SCN4B: variants seen among roughly 807,000 people sequenced by gnomAD.
SCN4B encodes sodium channel regulatory subunit beta-4.
SCN4B carries 20 observed loss-of-function variants against 19.6 expected under a neutral mutation model. That is an observed-to-expected ratio of 1.02 (90% confidence interval 0.72 to 1.48). The LOEUF (loss-of-function observed/expected upper bound fraction) is 1.48, where lower values mean the gene tolerates loss of function less well. SCN4B is among the 40% of genes most tolerant of loss of function. SCN4B has a pLI of 0.00. For synonymous variants in SCN4B, 127 were observed against 122.8 expected, an observed-to-expected ratio of 1.03 and a Z score of -0.22; for missense variants, 271 against 287.5, an observed-to-expected ratio of 0.94 and a Z score of 0.42.
chr11:118,136,800 G>C lies in SCN4B; in HGVS notation c.*227C>G, dbSNP rs1044760056. 2 of 655,102 alleles carry C rather than the reference G, an allele frequency of 3.1e-6. No individual in the cohort carries two copies. The highest frequency in any genetic ancestry group is 2.1e-5 in the Admixed American group (1 of 48,396). 40.6% of individuals were successfully genotyped at this position (655,102 alleles called of 1,614,324 possible). Reference sequence around the variant, plus strand: ...CCCTAGCCTCTCCTTTCTTTCTCCTGAATCTTCCACAGACCCCCTCCCCTG... The same window carrying C: ...CCCTAGCCTCTCCTTTCTTTCTCCTCAATCTTCCACAGACCCCCTCCCCTG... On this transcript the variant is annotated 3_prime_UTR_variant, in exon 5 of 5. Transcript: ENST00000324727.
chr11:118,145,282 G>A (rs768075571), intron 1 of SCN4B, 53 bp from the exon 2 acceptor site: 1 of 1,611,424 alleles, frequency 6.2e-7, no homozygotes, highest in Non-Finnish European at 8.5e-7. Context: ...CTGGAGCTCT[G>A]GAAGGGGATG....
Position 118,135,487 on chromosome 11 carries a change from G to A in SCN4B, c.*1540C>T, listed in dbSNP as rs1298341027. 4.4e-6 allele frequency: 2 copies of A among 454,044 alleles called. No individual in the cohort carries two copies. Among genetic ancestry groups the A allele is most frequent in the Admixed American group, 2.3e-5 (1 of 42,572 alleles). The allele number at this position is 454,044 out of a possible 1,614,324, so 28.1% of individuals were successfully genotyped here. A position where few individuals can be genotyped will look rare whatever the true frequency, so the allele number is the denominator to read the frequency against. ...GGATTGGAAGTAGATGGGCAGAGAG[G>A]CTTGTTACCACTTTTCCCTGCCATC... On this transcript the variant is annotated 3_prime_UTR_variant, in exon 5 of 5. Coordinates refer to ENST00000324727, the MANE Select transcript of SCN4B (RefSeq NM_174934.4).
Position 118,152,643 on chromosome 11 carries a change from G to A in SCN4B, c.31C>T (p.Pro11Ser). 6.2e-7 allele frequency: 1 copy of A among 1,612,024 alleles called. No individual in the cohort carries two copies. The highest frequency in any genetic ancestry group is 8.5e-7 in the Non-Finnish European group (1 of 1,178,896). MPGAGDGGKA[P>S]ARWLGTGLLG... ...AGCCCAGTGCCCAGCCATCTCGCCG[G>A]GGCTTTGCCTCCGTCCCCAGCCCCG... Residue 11 changes from proline to serine, a missense_variant, in exon 1 of 5, where the codon CCG becomes TCG. Physicochemically the swap from Pro to Ser is moderately conservative, Grantham distance 74 (BLOSUM62 -1). Coordinates refer to ENST00000324727, the MANE Select transcript of SCN4B (RefSeq NM_174934.4).
At chr11:118,144,908 G>T (rs1591436569) in intron 2 of SCN4B, 149 bp downstream of exon 2, 1 of 802,986 alleles carries the variant, frequency 1.2e-6, no homozygotes, top group East Asian at 2.4e-5. Flanking sequence ...TTCCTGGCAG[G>T]CTCTGAAAAG....
intron 4 of SCN4B, among the ~76,000 whole-genome samples, chr11:118,137,693 C>T (rs1948036475): frequency 6.6e-6 from 1 of 152,030 alleles, no homozygotes; most frequent in African/African-American, 2.4e-5. Flanking sequence ...AAAGAAAGTT[C>T]TCAATAAAGC....
In SCN4B at chr11:118,146,967, G is replaced by T. The variant is rs909492476; in HGVS notation, c.62-1738C>A. On this transcript the variant is annotated intron_variant, in intron 1 of 4. Transcript: ENST00000324727. ...GCTCCTAGGATTTGTGGCCAACCAG[G>T]ATTTGTTCTAGAGCCATGGTTTTCA... is the stretch of plus-strand genomic sequence containing the variant. Among the ~76,000 whole-genome samples the T allele has an allele frequency of 2.0e-4, 30 of 152,278 alleles. 2 individuals carry two copies. The highest frequency in any genetic ancestry group is 1.6e-3 in the Admixed American group (25 of 15,302).
rs988450375 is a variant in SCN4B at position 118,136,276 on chromosome 11, A to G, written c.*751T>C. The G allele has an allele frequency of 6.6e-6, 3 of 453,774 alleles. No individual in the cohort carries two copies. The highest frequency in any genetic ancestry group is 1.6e-5 in the South Asian group (1 of 64,466). The allele number at this position is 453,774 out of a possible 1,614,324, so 28.1% of individuals were successfully genotyped here. On this transcript the variant is annotated 3_prime_UTR_variant, in exon 5 of 5. Transcript: ENST00000324727. ...AAATGCTTGGAAAGGCATAGGGAGC[A>G]CTCGGGTACTCCAGGAAGGCTCGAG...
At chr11:118,145,751 TC>T (rs1439306906) in intron 1 of SCN4B, 1 of 257,802 alleles carries the variant, frequency 3.9e-6, no homozygotes, top group African/African-American at 2.2e-5. Flanking sequence ...GCCGCCGCAG[TC>T]CCGGGCCGCC....
intron 4 of SCN4B, among the ~76,000 whole-genome samples, chr11:118,140,516 G>T (rs1948081890): frequency 6.6e-6 from 1 of 152,204 alleles, no homozygotes; most frequent in African/African-American, 2.4e-5. Context: ...GTCTTGCTCA[G>T]AACACAACTT....
intron 3 of SCN4B, 69 bp downstream of exon 3, chr11:118,143,764 G>A: frequency 8.9e-7 from 1 of 1,120,892 alleles, no homozygotes; most frequent in South Asian, 1.3e-5. Context: ...CCATTTCACT[G>A]TGATGCTGAG....
intron 4 of SCN4B, among the ~76,000 whole-genome samples, chr11:118,139,433 G>A (rs1054226521): frequency 6.6e-6 from 1 of 152,150 alleles, no homozygotes; most frequent in Admixed American, 6.5e-5. Context: ...TGCTGGCACT[G>A]ATCCCCTCTA....
Position 118,146,366 on chromosome 11 carries a change from A to G in SCN4B, c.62-1137T>C, listed in dbSNP as rs142912997. 2.6e-3 allele frequency among the ~76,000 whole-genome samples: 393 copies of G among 150,966 alleles called. 3 individuals are homozygous for G. The highest frequency in any genetic ancestry group is 9.0e-3 in the African/African-American group (371 of 41,080). On this transcript the variant is annotated intron_variant, in intron 1 of 4. Transcript: ENST00000324727. ...GCCCCAAGGAAACCCCACTCGCCTC[A>G]AGGTCGGTGGAGGCGGGGGCGGGGA...
intron 1 of SCN4B, among the ~76,000 whole-genome samples, chr11:118,152,379 C>CA (rs998414529): frequency 6.6e-6 from 1 of 152,084 alleles, no homozygotes; most frequent in Non-Finnish European, 1.5e-5. Flanking sequence ...CCAAGGACAG[C>CA]AAAAAAACTA....
chr11:118,133,612 T>A lies in SCN4B; in HGVS notation c.*3415A>T. ...GGAAAATTGACTATGGGTATTGTTG[T>A]CATCCAAGCCAGAGGAATAAACCAT... On this transcript the variant is annotated 3_prime_UTR_variant, in exon 5 of 5. Coordinates refer to ENST00000324727, the MANE Select transcript of SCN4B (RefSeq NM_174934.4). 1 of 454,540 alleles carries A rather than the reference T, an allele frequency of 2.2e-6. No homozygotes were observed. Among genetic ancestry groups the A allele is most frequent in the South Asian group, 1.6e-5 (1 of 64,480 alleles). The allele number at this position is 454,540 out of a possible 1,614,324, so 28.2% of individuals were successfully genotyped here.
intron 4 of SCN4B, among the ~76,000 whole-genome samples, chr11:118,140,954 A>G (rs1948087698): frequency 6.6e-6 from 1 of 152,132 alleles, no homozygotes; most frequent in South Asian, 2.1e-4. Flanking sequence ...CAGTGGGCTG[A>G]GGAAGAGCAA....
At chr11:118,143,753 G>T in intron 3 of SCN4B, 80 bp downstream of exon 3, 1 of 948,946 alleles carries the variant, frequency 1.1e-6, no homozygotes. Context: ...GGTCCATTTT[G>T]CCATTTCACT....
intron 4 of SCN4B, among the ~76,000 whole-genome samples, chr11:118,138,728 T>A (rs530222876): frequency 5.2e-4 from 79 of 152,224 alleles, no homozygotes; most frequent in Non-Finnish European, 8.1e-4. Context: ...GGACCCAACC[T>A]AGGAAGCCTC....
chr11:118,143,761 A>T, intron 3 of SCN4B, 72 bp downstream of exon 3: 1 of 1,087,398 alleles, frequency 9.2e-7, no homozygotes, highest in African/African-American at 1.5e-5. Context: ...TTGCCATTTC[A>T]CTGTGATGCT....
At chr11:118,147,936 C>G (rs76663919) in intron 1 of SCN4B, among the ~76,000 whole-genome samples, 2,851 of 152,258 alleles carry the variant, frequency 0.019, 87 homozygotes, top group African/African-American at 0.063. Context: ...ACAAAAGATG[C>G]GTGCGAAAAG....
Sources: gnomAD v4.1 joint callset for allele counts (sites outside exome capture counted in the v4.1 genomes callset) on GRCh38, gnomAD v4.1.1 for gene constraint, MANE v1.5 for transcripts, NCBI Gene and HGNC (gene_info 2026-07-23, HGNC 2026-07-21) for gene names.